The following MGAT4C variants were observed in gnomAD, a reference collection of about 807,000 sequenced individuals.
MGAT4C encodes MGAT4 family member C.
Under a neutral mutation model 40.1 loss-of-function variants are expected in MGAT4C, and 19 were observed. That is an observed-to-expected ratio of 0.47 (90% CI 0.33 to 0.70). MGAT4C has a LOEUF of 0.70. Among genes scored for constraint, MGAT4C ranks in the 30% least tolerant of loss-of-function variants. The pLI is 0.02. For synonymous variants in MGAT4C, 181 were observed against 187.1 expected (o/e 0.97, Z 0.27); for missense variants, 491 against 563.2 (o/e 0.87, Z 1.30).
chr12:86,514,067 AACAC>A (rs71078908), intron 2 of MGAT4C, among the ~76,000 whole-genome samples: 3,347 of 133,864 alleles, frequency 0.025, 41 homozygotes, highest in South Asian at 0.075. Flanking sequence ...GCCATGCACC[AACAC>A]ACACACACAC....
At chr12:86,827,745 TA>T (rs1952836632) in intron 1 of MGAT4C, among the ~76,000 whole-genome samples, 1 of 151,448 alleles carries the variant, frequency 6.6e-6, no homozygotes, top group Non-Finnish European at 1.5e-5. Context: ...AAAAGCCATT[TA>T]AAAGCCAAAT....
In MGAT4C at chr12:86,098,987, G is replaced by T. The variant is rs1874438274; in HGVS notation, c.-56-49264C>A. ...TTCTCACTTAAAACTACTTAGAATA[G>T]TTAGAAGAGAATAGTTAGGCATTTA... On this transcript the variant is annotated intron_variant, in intron 1 of 4. Transcript: ENST00000611864. Among the ~76,000 whole-genome samples, 3 of 151,492 alleles carry T rather than the reference G, an allele frequency of 2.0e-5. No homozygotes were observed. The East Asian group carries it at 5.8e-4, about 29-fold the overall frequency.
intron 4 of MGAT4C, among the ~76,000 whole-genome samples, chr12:86,332,164 A>T (rs1954683778): frequency 6.6e-6 from 1 of 152,148 alleles, no homozygotes; most frequent in East Asian, 1.9e-4. Flanking sequence ...AAATAGAAAA[A>T]AAATCAGTTT....
chr12:86,648,295 C>T (rs1963601847), intron 2 of MGAT4C, among the ~76,000 whole-genome samples: 1 of 151,832 alleles, frequency 6.6e-6, no homozygotes. Context: ...CTTCACTTGA[C>T]AATGTTAATA....
chr12:85,982,242 C>G (rs761213960), intron 4 of MGAT4C, among the ~76,000 whole-genome samples: 1 of 152,024 alleles, frequency 6.6e-6, no homozygotes, highest in African/African-American at 2.4e-5. Flanking sequence ...TGCAGTGGTG[C>G]GAACTCAGCT....
At chr12:86,508,973 G>C (rs1187238086) in intron 2 of MGAT4C, among the ~76,000 whole-genome samples, 2 of 151,816 alleles carry the variant, frequency 1.3e-5, no homozygotes, top group Non-Finnish European at 2.9e-5. Flanking sequence ...TTTGTCAGAT[G>C]AGTTAGGTTG....
chr12:86,499,808 G>C (rs753648438), intron 2 of MGAT4C, among the ~76,000 whole-genome samples: 1 of 151,874 alleles, frequency 6.6e-6, no homozygotes, highest in Non-Finnish European at 1.5e-5. Flanking sequence ...TGAACAACTA[G>C]AGAAGAGAAA....
intron 1 of MGAT4C, among the ~76,000 whole-genome samples, chr12:86,766,583 C>G (rs1951513411): frequency 6.7e-6 from 1 of 149,720 alleles, no homozygotes; most frequent in African/African-American, 2.4e-5. Flanking sequence ...CAGCACCACA[C>G]CACACCTATT....
intron 4 of MGAT4C, among the ~76,000 whole-genome samples, chr12:86,310,380 G>A (rs1954041194): frequency 1.3e-5 from 2 of 152,172 alleles, no homozygotes; most frequent in South Asian, 2.1e-4. Context: ...ACAAAGAATG[G>A]TATGGCAAAC....
Position 85,966,650 on chromosome 12 carries a change from A to G in MGAT4C, c.*12639T>C, listed in dbSNP as rs906287929. 6.6e-6 allele frequency: 1 copy of G among 152,182 alleles called. No homozygotes were observed. Among genetic ancestry groups the G allele is most frequent in the East Asian group, 1.9e-4 (1 of 5,192 alleles). 9.4% of individuals were successfully genotyped at this position (152,182 alleles called of 1,614,324 possible). A position where few individuals can be genotyped will look rare whatever the true frequency, so the allele number is the denominator to read the frequency against. On this transcript the variant is annotated 3_prime_UTR_variant, in exon 5 of 5. Coordinates refer to ENST00000611864, the MANE Select transcript of MGAT4C (RefSeq NM_001351288.2). ...AATAGCAAAGACTTGGAACCAATCCAAATGTCCAACAATGATAGACTGGAT... is the reference window on the plus strand; with the variant it reads ...AATAGCAAAGACTTGGAACCAATCCGAATGTCCAACAATGATAGACTGGAT...
intron 2 of MGAT4C, among the ~76,000 whole-genome samples, chr12:86,018,766 G>C (rs61931077): frequency 0.071 from 10,768 of 152,076 alleles, 536 homozygotes; most frequent in Middle Eastern, 0.23. Context: ...TATAAGGAGA[G>C]AGAGAGAGAC....
chr12:86,265,741 G>C (rs549561042), intron 4 of MGAT4C, among the ~76,000 whole-genome samples: 5 of 152,290 alleles, frequency 3.3e-5, no homozygotes, highest in African/African-American at 1.2e-4. Context: ...CAGATTCAAT[G>C]AAAGTATGGT....
At chr12:86,538,961 G>A (rs1173178868) in intron 2 of MGAT4C, among the ~76,000 whole-genome samples, 1 of 151,692 alleles carries the variant, frequency 6.6e-6, no homozygotes, top group Non-Finnish European at 1.5e-5. Flanking sequence ...CATAACTACT[G>A]CATATGCATA....
intron 1 of MGAT4C, among the ~76,000 whole-genome samples, chr12:86,216,880 T>C (rs1269645050): frequency 6.6e-6 from 1 of 152,186 alleles, no homozygotes. Flanking sequence ...TATCTTTGTA[T>C]TACAAATTTT....
chr12:86,021,257 TAA>T (rs1464179873), intron 2 of MGAT4C, among the ~76,000 whole-genome samples: 1 of 152,146 alleles, frequency 6.6e-6, no homozygotes, highest in East Asian at 1.9e-4. Flanking sequence ...CAAAGGATTA[TAA>T]ACCATGCTGC....
intron 2 of MGAT4C, among the ~76,000 whole-genome samples, chr12:86,496,305 T>G (rs1029131463): frequency 6.6e-5 from 10 of 151,406 alleles, no homozygotes; most frequent in Non-Finnish European, 1.3e-4. Context: ...CTATTTGTTA[T>G]GCTATTTACT....
intron 3 of MGAT4C, among the ~76,000 whole-genome samples, chr12:86,374,966 G>A (rs911178489): frequency 6.6e-6 from 1 of 152,074 alleles, no homozygotes; most frequent in Non-Finnish European, 1.5e-5. Context: ...AGGAGGAAAT[G>A]ATCATATTTT....
chr12:86,528,903 G>A (rs936776897), intron 2 of MGAT4C, among the ~76,000 whole-genome samples: 2 of 151,486 alleles, frequency 1.3e-5, no homozygotes, highest in African/African-American at 4.8e-5. Context: ...AAAAGCCACC[G>A]TGGCACACAT....
At chr12:86,634,062 T>C (rs1021265677) in intron 2 of MGAT4C, among the ~76,000 whole-genome samples, 1 of 152,084 alleles carries the variant, frequency 6.6e-6, no homozygotes, top group Admixed American at 6.6e-5. Context: ...AAGTATATAC[T>C]GAAGATATGA....
Sources: gnomAD v4.1 joint callset for allele counts (sites outside exome capture counted in the v4.1 genomes callset) on GRCh38, gnomAD v4.1.1 for gene constraint, MANE v1.5 for transcripts, NCBI Gene and HGNC (gene_info 2026-07-23, HGNC 2026-07-21) for gene names.